PSRC1: variants seen among roughly 807,000 people sequenced by gnomAD.
PSRC1 encodes the protein proline/serine-rich coiled-coil protein 1.
A neutral mutation model predicts 31.9 loss-of-function variants in PSRC1; 30 were observed. The observed-to-expected ratio is 0.94, with a 90% confidence interval of 0.70 to 1.28. The LOEUF is 1.28. PSRC1 is among the 50% of genes most tolerant of loss of function. The pLI is 0.00. For synonymous variants in PSRC1, 191 were observed against 192.1 expected, an observed-to-expected ratio of 0.99 and a Z score of 0.05; for missense variants, 481 against 472.8, an observed-to-expected ratio of 1.02 and a Z score of -0.16.
exon 3 of PSRC1, chr1:109,282,540 C>T (rs1192790418): frequency 6.2e-7 from 1 of 1,614,106 alleles, no homozygotes; most frequent in Non-Finnish European, 8.5e-7. Context: ...GACAGCCCCC[C>T]AAAGTCCAAG....
In PSRC1 at chr1:109,280,898, T is replaced by G. The variant is rs765202106; in HGVS notation, c.873A>C (p.Pro291=). The change falls in exon 5 of 7, where the codon CCA becomes CCC. Residue 291 remains proline, a synonymous_variant. Transcript: ENST00000409138. ...CAGGTGGCACACTCCGGCTGGTGAG[T>G]GGCATTCGGCTGGCAGGCCTGGGGA... 1.9e-6 allele frequency: 3 copies of G among 1,613,832 alleles called. No individual in the cohort carries two copies. In the East Asian group the frequency reaches 6.7e-5, roughly 36 times the overall value.
At chr1:109,280,890 C>G in exon 5 of PSRC1, 1 of 1,614,134 alleles carries the variant, frequency 6.2e-7, no homozygotes, top group Middle Eastern at 1.6e-4. Flanking sequence ...CACACTCCGG[C>G]TGGTGAGTGG....
chr1:109,279,986 A>G (rs1414739343), exon 7 of PSRC1: 8 of 824,704 alleles, frequency 9.7e-6, no homozygotes, highest in Admixed American at 2.0e-5. Context: ...ATCCTAATCC[A>G]CCCCATTTCC....
intron 3 of PSRC1, 80 bp from the exon 4 acceptor site, chr1:109,282,140 C>T (rs1318013119): frequency 7.8e-7 from 1 of 1,286,670 alleles, no homozygotes; most frequent in African/African-American, 1.5e-5. Context: ...CATAAAAGCC[C>T]CACAACAGAG....
At chr1:109,282,159 A>G in intron 3 of PSRC1, 99 bp from the exon 4 acceptor site, 3 of 1,137,108 alleles carry the variant, frequency 2.6e-6, no homozygotes, top group South Asian at 3.5e-5. Flanking sequence ...AGCCAGGGAC[A>G]TGACCCTAGG....
At chr1:109,280,514 T>G in intron 5 of PSRC1, 25 bp from the exon 7 acceptor site, 1 of 1,586,734 alleles carries the variant, frequency 6.3e-7, no homozygotes, top group Non-Finnish European at 8.6e-7. Flanking sequence ...ACAAAAGAAA[T>G]GAGTTAGCAG....
intron 1 of PSRC1, 87 bp downstream of exon 1, chr1:109,282,976 C>T (rs1004103977): frequency 6.9e-6 from 4 of 575,914 alleles, no homozygotes; most frequent in Non-Finnish European, 1.2e-5. Flanking sequence ...GGCCTGCACG[C>T]CCCATCTTCC....
chr1:109,281,739 A>G, exon 4 of PSRC1: 1 of 1,613,876 alleles, frequency 6.2e-7, no homozygotes, highest in Non-Finnish European at 8.5e-7. Context: ...TCCGCGTCAA[A>G]GAGTTCACAG....
At chr1:109,281,693 G>A (rs116061288) in exon 4 of PSRC1, 48 of 1,614,028 alleles carry the variant, frequency 3.0e-5, no homozygotes, top group African/African-American at 2.8e-4. Flanking sequence ...TCATTACTCC[G>A]GAGTCGAGGC....
At position 109,281,640 on chromosome 1, in the gene PSRC1, C is replaced by T. The variant is rs537841579; in HGVS notation, c.498G>A (p.Lys166=). The T allele has an allele frequency of 5.6e-6, 9 of 1,612,772 alleles. No individual in the cohort carries two copies. The Admixed American group carries it at 1.3e-4, about 24-fold the overall frequency. ...TCACCCTCTTCATGTTGGAGGGCCT[C>T]TTTCCAGATGTAGCCCGGAGAGCCC... The change falls in exon 4 of 7, where the codon AAG becomes AAA. Residue 166 remains lysine (K), a synonymous_variant. Coordinates refer to ENST00000409138, the Ensembl canonical transcript of PSRC1.
exon 6 of PSRC1, chr1:109,280,454 CCATGACAGGAAGATTTAGTCG>C: frequency 6.2e-7 from 1 of 1,613,548 alleles, no homozygotes; most frequent in African/African-American, 1.3e-5. Flanking sequence ...CGAGTGGCAC[CCATGACAGGAAGATTTAGTCG>C]CTGGGAAACA....
At position 109,281,643 on chromosome 1, in the gene PSRC1, TC is replaced by T; in HGVS notation, c.494del (p.Gly165GlufsTer7). ...CCCTCTTCATGTTGGAGGGCCTCTT[TC>T]CAGATGTAGCCCGGAGAGCCCTGAC... On this transcript the variant is annotated frameshift_variant, in exon 4 of 7. Transcript: ENST00000409138. LOFTEE classifies it high-confidence loss of function. The T allele has an allele frequency of 1.2e-6, 2 of 1,613,352 alleles. No individual in the cohort carries two copies. The highest frequency in any genetic ancestry group is 1.7e-4 in the Middle Eastern group (1 of 6,056).
chr1:109,280,598 A>G lies in PSRC1; in HGVS notation c.995-109T>C, dbSNP rs72975244. 0.011 allele frequency: 10,681 copies of G among 1,013,376 alleles called. 771 individuals carry two copies. In the African/African-American group the frequency reaches 0.15, roughly 15 times the overall value. 62.8% of individuals were successfully genotyped at this position (1,013,376 alleles called of 1,614,324 possible). On this transcript the variant is annotated intron_variant, in intron 5 of 6. Transcript: ENST00000409138. ...TGGGATTAGTACTCTCCCCCTGACC[A>G]TGAGGTATTTGAAAACTAAGACTCA...
chr1:109,282,841 G>GC, intron 1 of PSRC1, 105 bp from the exon 2 acceptor site: 1 of 1,085,522 alleles, frequency 9.2e-7, no homozygotes, highest in Non-Finnish European at 1.3e-6. Context: ...GGCAAAGCAA[G>GC]CGCCCAGGAG....
exon 5 of PSRC1, chr1:109,280,997 G>A: frequency 6.2e-7 from 1 of 1,610,228 alleles, no homozygotes; most frequent in East Asian, 2.2e-5. Context: ...GTTGAGAGTT[G>A]CTGGTAGAAG....
At chr1:109,282,774 T>C in intron 1 of PSRC1, 38 bp from the exon 2 acceptor site, 1 of 1,545,932 alleles carries the variant, frequency 6.5e-7, no homozygotes, top group Non-Finnish European at 8.7e-7. Flanking sequence ...GTATCCATTC[T>C]GCCCAAGGCT....
chr1:109,282,018 T>C, exon 4 of PSRC1: 2 of 1,507,904 alleles, frequency 1.3e-6, no homozygotes, highest in Non-Finnish European at 1.8e-6. Context: ...GTCGAAGTGG[T>C]TTCTCTGGAG....
intron 1 of PSRC1, 38 bp from the exon 2 acceptor site, chr1:109,282,774 T>A: frequency 6.5e-7 from 1 of 1,545,932 alleles, no homozygotes; most frequent in Non-Finnish European, 8.7e-7. Context: ...GTATCCATTC[T>A]GCCCAAGGCT....
exon 7 of PSRC1, chr1:109,279,990 C>T: frequency 1.2e-6 from 1 of 844,512 alleles, no homozygotes; most frequent in East Asian, 2.4e-5. Context: ...TAATCCACCC[C>T]ATTTCCCATG....
Sources: allele counts gnomAD v4.1 joint callset, GRCh38; gene constraint gnomAD v4.1.1; transcripts MANE v1.5; gene names NCBI Gene and HGNC (gene_info 2026-07-23, HGNC 2026-07-21).